The following RNF220 variants were observed in gnomAD, a reference collection of about 807,000 sequenced individuals.
The protein encoded by RNF220 is E3 ubiquitin-protein ligase RNF220.
In RNF220, 7 loss-of-function variants were observed where a neutral mutation model predicts 67.1. That is an observed-to-expected ratio of 0.10 (90% CI 0.06 to 0.20). The LOEUF (loss-of-function observed/expected upper bound fraction) is 0.20, where lower values mean the gene tolerates loss of function less well. RNF220 is among the 10% of genes least tolerant of loss of function. RNF220 has a pLI of 1.00. For synonymous variants in RNF220, 270 were observed against 283.2 expected (o/e 0.95, Z 0.47); for missense variants, 565 against 740.3 (o/e 0.76, Z 2.75).
chr1:44,558,292 A>T (rs1453658784), intron 2 of RNF220, among the ~76,000 whole-genome samples: 1 of 152,244 alleles, frequency 6.6e-6, no homozygotes, highest in Non-Finnish European at 1.5e-5. Flanking sequence ...TCTATGGCCC[A>T]GCCCCCACTG....
Position 44,512,848 on chromosome 1 carries a change from A to T in RNF220, c.625+100126A>T, listed in dbSNP as rs899233728. ...TGGCACAGGGGCCTCACCCTTCGGC[A>T]GCGAGTTTCCCAACAGTGAGCTCGG... On this transcript the variant is annotated intron_variant, in intron 2 of 14. Transcript: ENST00000361799. Among the ~76,000 whole-genome samples, 4 of 152,232 alleles carry T rather than the reference A, an allele frequency of 2.6e-5. No individual in the cohort carries two copies. The South Asian group carries it at 8.3e-4, about 32-fold the overall frequency.
chr1:44,599,053 C>G (rs943153853), intron 2 of RNF220, among the ~76,000 whole-genome samples: 4 of 152,110 alleles, frequency 2.6e-5, no homozygotes, highest in South Asian at 2.1e-4. Context: ...AATACCCACC[C>G]TATGCCAGAC....
intron 2 of RNF220, among the ~76,000 whole-genome samples, chr1:44,459,180 T>C (rs1478213811): frequency 7.0e-6 from 1 of 141,914 alleles, no homozygotes; most frequent in Non-Finnish European, 1.6e-5. Context: ...GTGATTCTTT[T>C]GGTGGGTTTT....
At chr1:44,504,129 T>A (rs532424111) in intron 2 of RNF220, among the ~76,000 whole-genome samples, 44 of 152,258 alleles carry the variant, frequency 2.9e-4, no homozygotes, top group African/African-American at 1.0e-3. Flanking sequence ...ATTACAGGCA[T>A]GAGCCACCGT....
At position 44,603,888 on chromosome 1, in the gene RNF220, A is replaced by G. The variant is rs541287573; in HGVS notation, c.626-10277A>G. 2.0e-4 allele frequency among the ~76,000 whole-genome samples: 30 copies of G among 152,352 alleles called. No individual in the cohort carries two copies. The East Asian group carries it at 5.6e-3, about 28-fold the overall frequency. On this transcript the variant is annotated intron_variant, in intron 2 of 14. Coordinates refer to ENST00000361799, the MANE Select transcript of RNF220 (RefSeq NM_018150.4). ...TGCAGGCACTTGTAATCAGTGCCCC[A>G]CGGTCCACCCATCAGCCTAGAAAGC...
At chr1:44,532,426 A>G (rs1660905005) in intron 2 of RNF220, among the ~76,000 whole-genome samples, 1 of 152,204 alleles carries the variant, frequency 6.6e-6, no homozygotes, top group African/African-American at 2.4e-5. Context: ...AGTCCCCACT[A>G]TATACCAGAG....
intron 2 of RNF220, among the ~76,000 whole-genome samples, chr1:44,447,873 C>G (rs898654500): frequency 6.6e-6 from 1 of 152,162 alleles, no homozygotes; most frequent in Admixed American, 6.5e-5. Flanking sequence ...TGTTCTAATC[C>G]TATTTCTAAG....
chr1:44,447,424 C>T (rs1184310413), intron 2 of RNF220, among the ~76,000 whole-genome samples: 1 of 152,230 alleles, frequency 6.6e-6, no homozygotes, highest in South Asian at 2.1e-4. Flanking sequence ...TCTCTGTTCT[C>T]CCCGCTACAG....
intron 2 of RNF220, among the ~76,000 whole-genome samples, chr1:44,558,190 A>C (rs1663271387): frequency 6.6e-6 from 1 of 152,214 alleles, no homozygotes; most frequent in African/African-American, 2.4e-5. Flanking sequence ...ATTGCCTTGC[A>C]CTTGCCCACA....
intron 2 of RNF220, among the ~76,000 whole-genome samples, chr1:44,500,708 T>G (rs2148080725): frequency 6.6e-6 from 1 of 152,296 alleles, no homozygotes; most frequent in Middle Eastern, 3.4e-3. Context: ...TCTAATAGCC[T>G]CCTGGCCACC....
chr1:44,601,532 A>G (rs1338771405), intron 2 of RNF220, among the ~76,000 whole-genome samples: 2 of 152,322 alleles, frequency 1.3e-5, no homozygotes, highest in African/African-American at 4.8e-5. Flanking sequence ...GATTGGTATC[A>G]AAGCCCAGGA....
chr1:44,441,818 A>C (rs1392737259), intron 2 of RNF220, among the ~76,000 whole-genome samples: 1 of 152,240 alleles, frequency 6.6e-6, no homozygotes, highest in Non-Finnish European at 1.5e-5. Flanking sequence ...CCATTAGGTC[A>C]TAAGAATCCA....
intron 12 of RNF220, among the ~76,000 whole-genome samples, chr1:44,647,998 G>A (rs1644696787): frequency 6.6e-6 from 1 of 152,210 alleles, no homozygotes; most frequent in South Asian, 2.1e-4. Context: ...TGGCATTTGA[G>A]GTCCTCTTGC....
intron 2 of RNF220, among the ~76,000 whole-genome samples, chr1:44,432,468 A>T (rs2147870915): frequency 6.6e-6 from 1 of 152,136 alleles, no homozygotes; most frequent in South Asian, 2.1e-4. Context: ...ACAGGGTTTC[A>T]CCATGTTGGT....
chr1:44,511,058 A>G (rs1658951412), intron 2 of RNF220, among the ~76,000 whole-genome samples: 1 of 152,188 alleles, frequency 6.6e-6, no homozygotes, highest in Non-Finnish European at 1.5e-5. Context: ...TTGGTGAGGC[A>G]AGGAAGCATG....
intron 2 of RNF220, among the ~76,000 whole-genome samples, chr1:44,473,350 T>C (rs935540139): frequency 2.0e-5 from 3 of 151,902 alleles, no homozygotes; most frequent in Middle Eastern, 3.4e-3. Flanking sequence ...CCTGGTTTGT[T>C]TTGGTTTCAG....
intron 3 of RNF220, among the ~76,000 whole-genome samples, chr1:44,617,910 C>T (rs1407010367): frequency 6.6e-6 from 1 of 152,002 alleles, no homozygotes; most frequent in Non-Finnish European, 1.5e-5. Context: ...CTTTCCCCTG[C>T]TGACTCCTCC....
chr1:44,435,281 C>T (rs1650849593), intron 2 of RNF220, among the ~76,000 whole-genome samples: 1 of 152,154 alleles, frequency 6.6e-6, no homozygotes, highest in South Asian at 2.1e-4. Flanking sequence ...AGCTATGTTG[C>T]TTTGGGGCAA....
chr1:44,548,677 A>C (rs1662371785), intron 2 of RNF220, among the ~76,000 whole-genome samples: 1 of 152,036 alleles, frequency 6.6e-6, no homozygotes, highest in Admixed American at 6.6e-5. Context: ...ATTTTTGTAG[A>C]GACAGGGTCT....
Sources: gnomAD v4.1 joint callset for allele counts (sites outside exome capture counted in the v4.1 genomes callset) on GRCh38, gnomAD v4.1.1 for gene constraint, MANE v1.5 for transcripts, NCBI Gene and HGNC (gene_info 2026-07-23, HGNC 2026-07-21) for gene names.